RNF32: variants seen among roughly 807,000 people sequenced by gnomAD.
RNF32 encodes the protein ring finger protein 32.
In RNF32, 36 loss-of-function variants were observed where a neutral mutation model predicts 41.0. The ratio of observed to expected loss-of-function variants is 0.88; its 90% CI spans 0.67 to 1.16. The LOEUF is 1.16. RNF32 is among the 50% of genes most tolerant of loss of function. RNF32 has a pLI of 0.00. For synonymous variants in RNF32, 154 were observed against 160.9 expected (o/e 0.96, Z 0.32); for missense variants, 413 against 436.7 (o/e 0.95, Z 0.48).
intron 3 of RNF32, 170 bp from the exon 4 acceptor site, chr7:156,654,406 C>G (rs1799280049): frequency 5.3e-6 from 3 of 568,218 alleles, no homozygotes. Context: ...TTGGAATGTC[C>G]TGGAACACAT....
At position 156,675,837 on chromosome 7, in the gene RNF32, G is replaced by A. The variant is rs779070954; in HGVS notation, c.826G>A (p.Glu276Lys). The change falls in exon 8 of 9, where the codon GAG becomes AAG. Residue 276 changes from glutamate to lysine, a missense_variant. Physicochemically the swap from Glu to Lys is moderately conservative, Grantham distance 56. Transcript: ENST00000317955. ...AAAATGTGGCCATGAGATCACAGAAGAGGAATGGGAGAAAATCCAAGTGCA... is the reference window on the plus strand; with the variant it reads ...AAAATGTGGCCATGAGATCACAGAAAAGGAATGGGAGAAAATCCAAGTGCA... The part of the protein sequence containing the change: ...EEKCGHEITE[E>K]EWEKIQVQAL... 1 of 1,613,896 alleles carries A rather than the reference G, an allele frequency of 6.2e-7. No individual in the cohort carries two copies. Among genetic ancestry groups the A allele is most frequent in the African/African-American group, 1.3e-5 (1 of 74,940 alleles).
intron 1 of RNF32, among the ~76,000 whole-genome samples, chr7:156,642,560 T>G (rs1170112638): frequency 6.6e-6 from 1 of 152,278 alleles, no homozygotes; most frequent in Non-Finnish European, 1.5e-5. Context: ...GAATACCGTA[T>G]GCTTTACGAG....
At chr7:156,676,269 A>G (rs1457210469) in intron 8 of RNF32, 150 bp from the exon 9 acceptor site, 2 of 1,551,054 alleles carry the variant, frequency 1.3e-6, no homozygotes, top group Non-Finnish European at 1.7e-6. Flanking sequence ...ATATATATAA[A>G]TAAAATGCAT....
intron 7 of RNF32, among the ~76,000 whole-genome samples, chr7:156,675,059 A>G (rs1312987063): frequency 6.6e-6 from 1 of 152,230 alleles, no homozygotes; most frequent in African/African-American, 2.4e-5. Flanking sequence ...TTACTTAGTA[A>G]GTCCCATGTG....
Position 156,659,313 on chromosome 7 carries a change from C to T in RNF32, c.684+743C>T, listed in dbSNP as rs369439829. ...TCTGTATTTATTATCACTATTAACT[C>T]CTTTCCTAGAATATGGAGATGAGTT... On this transcript the variant is annotated intron_variant, in intron 7 of 8. Coordinates refer to ENST00000317955, the MANE Select transcript of RNF32 (RefSeq NM_030936.4). The T allele has an allele frequency of 2.6e-5, 26 of 993,108 alleles. No individual in the cohort carries two copies. The East Asian group carries it at 1.6e-3, about 62-fold the overall frequency. The allele number at this position is 993,108 out of a possible 1,614,324, so 61.5% of individuals were successfully genotyped here. A position where few individuals can be genotyped will look rare whatever the true frequency, so the allele number is the denominator to read the frequency against.
At chr7:156,663,206 G>A (rs1418193875) in intron 7 of RNF32, among the ~76,000 whole-genome samples, 1 of 152,126 alleles carries the variant, frequency 6.6e-6, no homozygotes. Flanking sequence ...AAAACTATGT[G>A]TCAAATACTA....
chr7:156,654,983 C>T (rs1799378565), intron 4 of RNF32: 3 of 273,198 alleles, frequency 1.1e-5, no homozygotes, highest in South Asian at 8.5e-5. Context: ...AGGCCCCATG[C>T]GGCTGTGCAG....
intron 7 of RNF32, among the ~76,000 whole-genome samples, chr7:156,675,218 T>TG (rs1445566594): frequency 6.6e-6 from 1 of 152,148 alleles, no homozygotes; most frequent in Admixed American, 6.5e-5. Flanking sequence ...ACAGAGGTCG[T>TG]GGGGAAGCAT....
At chr7:156,664,166 A>G (rs1163024480) in intron 7 of RNF32, among the ~76,000 whole-genome samples, 1 of 152,234 alleles carries the variant, frequency 6.6e-6, no homozygotes, top group Non-Finnish European at 1.5e-5. Flanking sequence ...AAGGCTATAG[A>G]AAAACATTGC....
At chr7:156,658,725 C>T in intron 7 of RNF32, 155 bp downstream of exon 7, 1 of 762,518 alleles carries the variant, frequency 1.3e-6, no homozygotes, top group South Asian at 1.8e-5. Context: ...TCCTGTTTAA[C>T]TTTAGTTGGC....
intron 3 of RNF32, 140 bp from the exon 4 acceptor site, chr7:156,654,436 A>G (rs1799283665): frequency 1.5e-6 from 1 of 668,222 alleles, no homozygotes; most frequent in Non-Finnish European, 2.4e-6. Flanking sequence ...ATACCAATGG[A>G]CAGCTTCTAT....
At chr7:156,658,874 G>T in intron 7 of RNF32, 2 of 1,547,802 alleles carry the variant, frequency 1.3e-6, no homozygotes, top group Non-Finnish European at 1.7e-6. Context: ...CACAAGACTG[G>T]AAACCAGCTT....
chr7:156,649,156 CTT>C (rs760335985), intron 3 of RNF32, among the ~76,000 whole-genome samples: 3 of 146,436 alleles, frequency 2.0e-5, no homozygotes, highest in Non-Finnish European at 3.0e-5. Flanking sequence ...GACGTTTCCT[CTT>C]TTTTTTTTTC....
chr7:156,648,033 T>TG (rs1798210274), intron 3 of RNF32, among the ~76,000 whole-genome samples: 1 of 151,818 alleles, frequency 6.6e-6, no homozygotes, highest in African/African-American at 2.4e-5. Context: ...TTATTTGTTT[T>TG]TTTTTTTTCT....
Position 156,675,725 on chromosome 7 carries a change from C to T in RNF32, c.714C>T (p.Cys238=). 6.2e-7 allele frequency: 1 copy of T among 1,613,908 alleles called. No individual in the cohort carries two copies. Among genetic ancestry groups the T allele is most frequent in the Non-Finnish European group, 8.5e-7 (1 of 1,179,834 alleles). The change falls in exon 8 of 9, where the codon TGC becomes TGT. Residue 238 remains cysteine, a synonymous_variant. Transcript: ENST00000317955. ...CAGAAATCAGCCACCGCATCCTGTGCTCATACAACACCAACATTGAAGAGC... is the reference window on the plus strand; with the variant it reads ...CAGAAATCAGCCACCGCATCCTGTGTTCATACAACACCAACATTGAAGAGC... ...KFTEISHRIL[C]SYNTNIEELF...
At chr7:156,673,921 AAG>A in intron 7 of RNF32, among the ~76,000 whole-genome samples, 1 of 141,622 alleles carries the variant, frequency 7.1e-6, no homozygotes, top group Non-Finnish European at 1.5e-5. Context: ...AAAAAAAAAA[AAG>A]AAAAAGTGAA....
In RNF32 at chr7:156,676,446, T is replaced by C. The variant is rs772880486; in HGVS notation, c.880T>C (p.Ser294Pro). ...QALRRETHEC[S>P]ICLAPLSAAG... is the part of the protein sequence containing the mutation. ...TCTGCGCCGGGAGACCCACGAGTGC[T>C]CCATCTGCCTGGCCCCTCTCTCCGC... The change falls in exon 9 of 9, where the codon TCC becomes CCC. Residue 294 changes from serine (S) to proline (P), a missense_variant. Transcript: ENST00000317955. 6.2e-7 allele frequency: 1 copy of C among 1,614,070 alleles called. No individual in the cohort carries two copies.
chr7:156,654,352 G>A, intron 3 of RNF32: 1 of 450,676 alleles, frequency 2.2e-6, no homozygotes, highest in East Asian at 3.3e-5. Context: ...TGCATGGGTT[G>A]TATGCAAATA....
intron 4 of RNF32, 129 bp downstream of exon 4, chr7:156,654,847 T>C: frequency 1.3e-6 from 1 of 787,232 alleles, no homozygotes; most frequent in South Asian, 2.1e-5. Flanking sequence ...CTCACACACT[T>C]CCATTTTGTT....
Sources: allele counts gnomAD v4.1 joint callset (sites outside exome capture counted in the v4.1 genomes callset), GRCh38; gene constraint gnomAD v4.1.1; transcripts MANE v1.5; gene names NCBI Gene and HGNC (gene_info 2026-07-23, HGNC 2026-07-21).